Variants in NPIPB2 observed in about 807,000 individuals in gnomAD.
The protein encoded by NPIPB2 is nuclear pore complex-interacting protein family member B2.
A neutral mutation model predicts 30.8 loss-of-function variants in NPIPB2; 27 were observed. The ratio of observed to expected loss-of-function variants is 0.88; its 90% CI spans 0.65 to 1.21. The LOEUF is 1.21. Ranked by LOEUF, NPIPB2 falls within the 50% of genes most tolerant of loss-of-function variation. The pLI is 0.00. For synonymous variants in NPIPB2, 147 were observed against 162.0 expected (o/e 0.91, Z 0.70); for missense variants, 440 against 446.2 (o/e 0.99, Z 0.13).
intron 1 of NPIPB2, among the ~76,000 whole-genome samples, chr16:11,952,387 G>A (rs2055075503): frequency 6.6e-6 from 1 of 151,594 alleles, no homozygotes; most frequent in African/African-American, 2.4e-5. Flanking sequence ...AGAAACCCCT[G>A]GAGTCAACAG....
chr16:11,947,040 T>TTTTA (rs1555509039), upstream of NPIPB2, among the ~76,000 whole-genome samples: 6 of 139,826 alleles, frequency 4.3e-5, no homozygotes, highest in African/African-American at 1.3e-4. Flanking sequence ...ACTATTTGAA[T>TTTTA]TATATATATA....
At chr16:11,951,872 C>A (rs1438983016) in intron 1 of NPIPB2, among the ~76,000 whole-genome samples, 33 of 140,832 alleles carry the variant, frequency 2.3e-4, no homozygotes, top group Admixed American at 1.8e-3. Context: ...CTAAAAAATA[C>A]AAAGAGGCTG....
intron 1 of NPIPB2, among the ~76,000 whole-genome samples, chr16:11,963,331 G>C (rs1473286011): frequency 6.8e-6 from 1 of 148,038 alleles, no homozygotes; most frequent in African/African-American, 2.5e-5. Flanking sequence ...AGTGAGCCGA[G>C]ATCGCGCCAT....
At chr16:11,967,619 T>A (rs756217244) in intron 1 of NPIPB2, 22 of 1,614,204 alleles carry the variant, frequency 1.4e-5, no homozygotes, top group Non-Finnish European at 1.8e-5. Flanking sequence ...AGAGCAGGAC[T>A]GGTGATGAAA....
chr16:11,957,583 C>T (rs9939814), intron 1 of NPIPB2, among the ~76,000 whole-genome samples: 2,526 of 152,238 alleles, frequency 0.017, 71 homozygotes, highest in African/African-American at 0.058. Flanking sequence ...CCTGAGCCAC[C>T]GTGCCTGGCC....
intron 1 of NPIPB2, among the ~76,000 whole-genome samples, chr16:11,975,591 T>G (rs1024580608): frequency 6.6e-6 from 1 of 151,400 alleles, no homozygotes; most frequent in African/African-American, 2.4e-5. Context: ...AAGAGCCATT[T>G]TTGTTGTTGT....
chr16:11,968,779 T>C (rs1421449589), intron 1 of NPIPB2: 3 of 152,124 alleles, frequency 2.0e-5, no homozygotes, highest in African/African-American at 7.2e-5. Flanking sequence ...CATGCTGACA[T>C]GACAATCTTC....
intron 1 of NPIPB2, among the ~76,000 whole-genome samples, chr16:11,949,578 T>C (rs991272647): frequency 1.3e-5 from 2 of 152,202 alleles, no homozygotes; most frequent in African/African-American, 4.8e-5. Flanking sequence ...GCTGAGAAAA[T>C]ATACAGCAGC....
At chr16:11,962,299 G>A (rs747940725) in intron 1 of NPIPB2, among the ~76,000 whole-genome samples, 20 of 151,220 alleles carry the variant, frequency 1.3e-4, no homozygotes, top group Admixed American at 4.0e-4. Context: ...AGGGGATTGA[G>A]ACCATTCTGC....
At chr16:11,974,096 C>G (rs1414259384) in intron 1 of NPIPB2, among the ~76,000 whole-genome samples, 1 of 152,124 alleles carries the variant, frequency 6.6e-6, no homozygotes, top group Non-Finnish European at 1.5e-5. Flanking sequence ...TTCATCCTGG[C>G]TTTGAGAGAT....
intron 1 of NPIPB2, among the ~76,000 whole-genome samples, chr16:11,974,974 C>G (rs2055262185): frequency 6.6e-6 from 1 of 150,846 alleles, no homozygotes; most frequent in Admixed American, 6.6e-5. Context: ...ACTTGGCAGG[C>G]TGAGGCAGGA....
chr16:11,948,196 A>G (rs565716246), intron 1 of NPIPB2, among the ~76,000 whole-genome samples: 2 of 151,842 alleles, frequency 1.3e-5, no homozygotes, highest in East Asian at 3.9e-4. Flanking sequence ...TGAAGGTGCC[A>G]AAACGGGGGA....
intron 4 of NPIPB2, among the ~76,000 whole-genome samples, chr16:11,933,179 T>C (rs2054813973): frequency 6.6e-6 from 1 of 151,224 alleles, no homozygotes. Flanking sequence ...GAGAATTGCT[T>C]GAACCCAAAA....
chr16:11,938,347 T>C (rs1405103037), intron 1 of NPIPB2, among the ~76,000 whole-genome samples: 1 of 144,986 alleles, frequency 6.9e-6, no homozygotes. Context: ...TTTGTTGTTT[T>C]TGAGATGGGG....
downstream of NPIPB2, chr16:11,927,341 T>A (rs2054729770): frequency 2.4e-6 from 2 of 826,076 alleles, no homozygotes; most frequent in East Asian, 2.6e-5. Flanking sequence ...TTGATTTTTT[T>A]ATTTTGTTCT....
At position 11,976,567 on chromosome 16, in the gene NPIPB2, C is replaced by T. The variant is rs2055301006; in HGVS notation, c.-584+1G>A. ...GCCTCCTCGCGGGGTCTCGGGTTTA[C>T]CCTGAGTCTCCAGCCCGCGTAGCCT... On this transcript the variant is annotated splice_donor_variant, in intron 1 of 5. Transcript: ENST00000538896. LOFTEE classifies it low-confidence loss of function (5UTR_SPLICE). 2.8e-6 allele frequency: 1 copy of T among 359,838 alleles called. No homozygotes were observed. The highest frequency in any genetic ancestry group is 5.0e-6 in the Non-Finnish European group (1 of 201,378). The allele number at this position is 359,838 out of a possible 1,614,324, so 22.3% of individuals were successfully genotyped here. A position where few individuals can be genotyped will look rare whatever the true frequency, so the allele number is the denominator to read the frequency against.
At chr16:11,937,552 T>G in exon 2 of NPIPB2, 1 of 1,596,890 alleles carries the variant, frequency 6.3e-7, no homozygotes, top group Non-Finnish European at 8.5e-7. Flanking sequence ...AAAGGTAAAC[T>G]GTCCAGAGGG....
chr16:11,960,872 C>CTT (rs561398049), intron 1 of NPIPB2, among the ~76,000 whole-genome samples: 451 of 143,874 alleles, frequency 3.1e-3, no homozygotes, highest in Non-Finnish European at 5.2e-3. Context: ...TCTTTCTTTT[C>CTT]TTTTTTTTTT....
At chr16:11,946,385 C>CAAAAA, upstream of NPIPB2, among the ~76,000 whole-genome samples, 1 of 70,104 alleles carries the variant, frequency 1.4e-5, no homozygotes, top group East Asian at 4.3e-4. Context: ...AACTCTATCT[C>CAAAAA]AAAAAAAAAA....
Sources: allele counts gnomAD v4.1 joint callset (sites outside exome capture counted in the v4.1 genomes callset), GRCh38; gene constraint gnomAD v4.1.1; transcripts MANE v1.5; gene names NCBI Gene and HGNC (gene_info 2026-07-23, HGNC 2026-07-21).